FAF1: variants seen among roughly 807,000 people sequenced by gnomAD.
FAF1 encodes the protein Fas associated factor 1, also known as FAS-associated factor 1.
FAF1 carries 25 observed loss-of-function variants against 92.5 expected under a neutral mutation model. The ratio of observed to expected loss-of-function variants is 0.27; its 90% CI spans 0.20 to 0.38. The LOEUF (loss-of-function observed/expected upper bound fraction) is 0.38. FAF1 is among the 10% of genes least tolerant of loss of function. FAF1 has a pLI of 1.00. For missense variants in FAF1, 636 were observed against 793.3 expected, an observed-to-expected ratio of 0.80 and a Z score of 2.38; for synonymous variants, 234 against 273.2, an observed-to-expected ratio of 0.86 and a Z score of 1.42.
At chr1:50,925,413 C>T (rs1415430088) in intron 1 of FAF1, among the ~76,000 whole-genome samples, 1 of 151,594 alleles carries the variant, frequency 6.6e-6, no homozygotes, top group East Asian at 1.9e-4. Context: ...AATCGTTTGA[C>T]TAACAAAGAA....
intron 6 of FAF1, among the ~76,000 whole-genome samples, chr1:50,737,169 A>G (rs774178654): frequency 1.3e-5 from 2 of 152,212 alleles, no homozygotes; most frequent in Non-Finnish European, 2.9e-5. Context: ...CCAAATAGAG[A>G]AGTATATTTT....
chr1:50,909,836 C>T (rs561012418), intron 1 of FAF1, among the ~76,000 whole-genome samples: 3 of 152,146 alleles, frequency 2.0e-5, no homozygotes, highest in South Asian at 2.1e-4. Context: ...CCCTTTAGCT[C>T]GGAGAAGTTT....
chr1:50,959,855 T>C lies in FAF1; in HGVS notation c.-44A>G, dbSNP rs201116775. 1.4e-6 allele frequency: 2 copies of C among 1,473,642 alleles called. No homozygotes were observed. Among genetic ancestry groups the C allele is most frequent in the East Asian group, 2.8e-5 (1 of 35,292 alleles). The allele number at this position is 1,473,642 out of a possible 1,614,324, so 91.3% of individuals were successfully genotyped here. A position where few individuals can be genotyped will look rare whatever the true frequency, so the allele number is the denominator to read the frequency against. ...CGGCTCCGGGAGCGAAGCGCGCACC[T>C]GGGAGGCAGACGGCACCTCCTGCGA... On this transcript the variant is annotated 5_prime_UTR_variant, in exon 1 of 19. Coordinates refer to ENST00000396153, the MANE Select transcript of FAF1 (RefSeq NM_007051.3).
At position 50,893,740 on chromosome 1, in the gene FAF1, T is replaced by G. The variant is rs115739112; in HGVS notation, c.46-35743A>C. Among the ~76,000 whole-genome samples the G allele has an allele frequency of 3.3e-3, 505 of 152,284 alleles. 2 individuals are homozygous for G. The highest frequency in any genetic ancestry group is 0.011 in the African/African-American group (463 of 41,550). On this transcript the variant is annotated intron_variant, in intron 1 of 18. Coordinates refer to ENST00000396153, the MANE Select transcript of FAF1 (RefSeq NM_007051.3). ...GTCCTATGTCTCAAAAATCAGCAGA[T>G]GGTGAAGCCAACCAAGCTTATATCC...
chr1:50,580,225 ATTT>A (rs1010614752), intron 12 of FAF1, among the ~76,000 whole-genome samples: 1 of 151,928 alleles, frequency 6.6e-6, no homozygotes, highest in African/African-American at 2.4e-5. Flanking sequence ...TTTTGAATAA[ATTT>A]TTAATTTATT....
chr1:50,480,014 A>G (rs1646682400), intron 17 of FAF1, among the ~76,000 whole-genome samples: 1 of 152,236 alleles, frequency 6.6e-6, no homozygotes, highest in Non-Finnish European at 1.5e-5. Flanking sequence ...ACCTACACTC[A>G]AACGAGTCAT....
At chr1:50,914,756 T>C (rs961409682) in intron 1 of FAF1, among the ~76,000 whole-genome samples, 9 of 152,212 alleles carry the variant, frequency 5.9e-5, no homozygotes, top group African/African-American at 2.2e-4. Context: ...ATACTTAACA[T>C]ATCCCTTCTA....
chr1:50,636,739 T>C (rs1462322893), intron 8 of FAF1, among the ~76,000 whole-genome samples: 1 of 152,188 alleles, frequency 6.6e-6, no homozygotes, highest in Non-Finnish European at 1.5e-5. Context: ...TTTTTCCTCT[T>C]AGGAGCTTTT....
intron 6 of FAF1, among the ~76,000 whole-genome samples, chr1:50,711,548 C>A (rs1386973042): frequency 6.9e-6 from 1 of 145,928 alleles, no homozygotes; most frequent in East Asian, 2.0e-4. Context: ...TGGCTCACTG[C>A]AACCTCCACC....
At chr1:50,470,788 T>C (rs1646562104) in intron 18 of FAF1, 3 of 152,240 alleles carry the variant, frequency 2.0e-5, no homozygotes, top group Admixed American at 2.0e-4. Context: ...TTCAGTATGA[T>C]GGAGTGGGAT....
At chr1:50,889,781 C>T (rs1362585034) in intron 1 of FAF1, among the ~76,000 whole-genome samples, 1 of 152,140 alleles carries the variant, frequency 6.6e-6, no homozygotes, top group Non-Finnish European at 1.5e-5. Context: ...TGCTTTACTT[C>T]CAACTATGTG....
Position 50,655,525 on chromosome 1 carries a change from T to C in FAF1, c.661A>G (p.Lys221Glu). Residue 221 changes from lysine to glutamate, a missense_variant, in exon 8 of 19, where the codon AAG becomes GAG. Transcript: ENST00000396153. ...FSGSSTIQEV[K>E]RNVYDLTSIP... Reference sequence around the variant, plus strand: ...CTTGTAAGGTCATACACATTTCTCTTTACCTATGAAAAGAAAGAAACAGGA... The same window carrying C: ...CTTGTAAGGTCATACACATTTCTCTCTACCTATGAAAAGAAAGAAACAGGA... 1 of 1,601,610 alleles carries C rather than the reference T, an allele frequency of 6.2e-7. No individual in the cohort carries two copies. The highest frequency in any genetic ancestry group is 8.5e-7 in the Non-Finnish European group (1 of 1,170,520).
chr1:50,458,773 A>G (rs1467136031), intron 18 of FAF1, among the ~76,000 whole-genome samples: 1 of 152,214 alleles, frequency 6.6e-6, no homozygotes, highest in Non-Finnish European at 1.5e-5. Context: ...TTACTATGCT[A>G]GTGCTTTATG....
intron 4 of FAF1, among the ~76,000 whole-genome samples, chr1:50,781,340 A>G (rs989635557): frequency 6.6e-6 from 1 of 152,214 alleles, no homozygotes; most frequent in East Asian, 1.9e-4. Context: ...ATGGTAATAA[A>G]AAGAAAGTAG....
intron 7 of FAF1, among the ~76,000 whole-genome samples, chr1:50,659,829 C>A (rs895180428): frequency 2.0e-5 from 3 of 152,066 alleles, no homozygotes; most frequent in African/African-American, 7.2e-5. Context: ...TAATTTCTTC[C>A]ATATCGTTTC....
chr1:50,690,337 G>A (rs1260692072), intron 7 of FAF1, among the ~76,000 whole-genome samples: 1 of 152,122 alleles, frequency 6.6e-6, no homozygotes, highest in Non-Finnish European at 1.5e-5. Context: ...CAGGCATGGT[G>A]GCTCACACCT....
At chr1:50,687,679 G>A (rs1235236708) in intron 7 of FAF1, among the ~76,000 whole-genome samples, 1 of 151,584 alleles carries the variant, frequency 6.6e-6, no homozygotes, top group East Asian at 1.9e-4. Flanking sequence ...AACCTGGGAG[G>A]CAGAGGTTGC....
intron 4 of FAF1, among the ~76,000 whole-genome samples, chr1:50,749,211 C>G (rs915450481): frequency 1.3e-4 from 20 of 152,168 alleles, no homozygotes; most frequent in Non-Finnish European, 2.9e-4. Flanking sequence ...AGAGCTGTAC[C>G]TGTCTGGAAC....
At chr1:50,684,611 T>C (rs1204961361) in intron 7 of FAF1, among the ~76,000 whole-genome samples, 2 of 152,144 alleles carry the variant, frequency 1.3e-5, no homozygotes, top group African/African-American at 2.4e-5. Context: ...CTCCATGAGA[T>C]AAACGATCCC....
Sources: gnomAD v4.1 joint callset for allele counts (sites outside exome capture counted in the v4.1 genomes callset) on GRCh38, gnomAD v4.1.1 for gene constraint, MANE v1.5 for transcripts, NCBI Gene and HGNC (gene_info 2026-07-23, HGNC 2026-07-21) for gene names.